The following C8orf89 variants were observed in gnomAD, a reference collection of about 807,000 sequenced individuals.
C8orf89 encodes the protein putative uncharacterized protein C8orf89.
In C8orf89, 14 loss-of-function variants were observed where a neutral mutation model predicts 15.8. The observed-to-expected ratio is 0.89, with a 90% confidence interval of 0.59 to 1.39. The LOEUF is 1.39. Among genes scored for constraint, C8orf89 ranks in the 40% most tolerant of loss-of-function variants. The pLI is 0.00. For missense variants in C8orf89, 181 were observed against 184.5 expected (o/e 0.98, Z 0.11); for synonymous variants, 55 against 62.2 (o/e 0.88, Z 0.54).
chr8:73,256,010 A>G (rs1341949379), intron 2 of C8orf89, among the ~76,000 whole-genome samples: 1 of 151,446 alleles, frequency 6.6e-6, no homozygotes, highest in African/African-American at 2.4e-5. Context: ...CCTAATGCTA[A>G]ATGACGAGTT....
At chr8:73,258,872 C>G (rs1325399323) in intron 1 of C8orf89, among the ~76,000 whole-genome samples, 2 of 152,090 alleles carry the variant, frequency 1.3e-5, no homozygotes, top group Non-Finnish European at 2.9e-5. Context: ...CTCAAGCGAT[C>G]CACCTGCCTT....
At chr8:73,264,650 C>G in the C8orf89 span, among the ~76,000 whole-genome samples, 2 of 152,106 alleles carry the variant, frequency 1.3e-5, no homozygotes, top group Admixed American at 6.5e-5. Flanking sequence ...ACCACCACAC[C>G]CAGCTAATTT....
rs146852752 is a variant in C8orf89 at position 73,249,008 on chromosome 8, G to T, written c.337+1260C>A. Among the ~76,000 whole-genome samples the T allele has an allele frequency of 5.0e-4, 76 of 151,766 alleles. No homozygotes were observed. In the East Asian group the frequency reaches 0.014, roughly 28 times the overall value. On this transcript the variant is annotated intron_variant, in intron 3 of 3. Transcript: ENST00000624510. ...TAAGGGTGGTGAGTGTCTTGTGCTG[G>T]TTTTCAGGTTTTTAAGCTTTTGCCC...
chr8:73,248,538 T>C lies in C8orf89; in HGVS notation c.337+1730A>G, dbSNP rs149573806. 6.5e-4 allele frequency among the ~76,000 whole-genome samples: 99 copies of C among 152,232 alleles called. 2 individuals carry two copies. The East Asian group carries it at 0.016, about 25-fold the overall frequency. On this transcript the variant is annotated intron_variant, in intron 3 of 3. Coordinates refer to ENST00000624510, the MANE Select transcript of C8orf89 (RefSeq NM_001243237.3). ...CTATAAATTGCTTTGGGTAGTATAG[T>C]TATTTTAACTATATTGAGTCTTCCT...
the C8orf89 span, among the ~76,000 whole-genome samples, chr8:73,281,285 T>C: frequency 6.6e-6 from 1 of 152,116 alleles, no homozygotes; most frequent in Admixed American, 6.5e-5. Context: ...CATTGATACA[T>C]GAATATCAAT....
the C8orf89 span, among the ~76,000 whole-genome samples, chr8:73,271,555 T>G: frequency 6.6e-6 from 1 of 152,212 alleles, no homozygotes; most frequent in Non-Finnish European, 1.5e-5. Context: ...GCCAACCAGA[T>G]GCCAGAGCCA....
chr8:73,251,652 A>G (rs1253175754), intron 2 of C8orf89, among the ~76,000 whole-genome samples: 2 of 152,246 alleles, frequency 1.3e-5, no homozygotes, highest in Non-Finnish European at 2.9e-5. Context: ...CAAATCACAA[A>G]TGAAAAACAG....
intron 2 of C8orf89, among the ~76,000 whole-genome samples, chr8:73,255,000 A>C (rs1249698499): frequency 6.6e-6 from 1 of 152,166 alleles, no homozygotes. Context: ...TGTTAGACCT[A>C]AAACCATAAA....
upstream of C8orf89, among the ~76,000 whole-genome samples, chr8:73,263,250 C>T (rs543520481): frequency 6.6e-6 from 1 of 152,292 alleles, no homozygotes; most frequent in South Asian, 2.1e-4. Context: ...TGGTGGCTCA[C>T]ACCTATAATC....
the C8orf89 span, among the ~76,000 whole-genome samples, chr8:73,282,140 CACTT>C: frequency 6.6e-6 from 1 of 152,312 alleles, no homozygotes; most frequent in Non-Finnish European, 1.5e-5. Context: ...TGTAGTAACT[CACTT>C]AAATATATTC....
chr8:73,263,358 CA>C, upstream of C8orf89, among the ~76,000 whole-genome samples: 1 of 151,972 alleles, frequency 6.6e-6, no homozygotes, highest in South Asian at 2.1e-4. Flanking sequence ...ACTAAAAATA[CA>C]AAAAAATTAG....
upstream of C8orf89, among the ~76,000 whole-genome samples, chr8:73,260,760 T>G (rs762772775): frequency 6.6e-6 from 1 of 151,990 alleles, no homozygotes; most frequent in Non-Finnish European, 1.5e-5. Context: ...TAATATTGAG[T>G]GTCAACTTGA....
chr8:73,270,710 A>AGCCTGGGAAACACAGGGAGACCT, the C8orf89 span, among the ~76,000 whole-genome samples: 2 of 152,212 alleles, frequency 1.3e-5, no homozygotes, highest in African/African-American at 4.8e-5. Flanking sequence ...GTTCGAGACC[A>AGCCTGGGAAACACAGGGAGACCT]GCCTGGGAAA....
the C8orf89 span, among the ~76,000 whole-genome samples, chr8:73,285,670 C>A: frequency 2.0e-5 from 3 of 152,234 alleles, no homozygotes; most frequent in South Asian, 4.1e-4. Flanking sequence ...CGTTGCGGCC[C>A]AGGTAGGAGG....
At chr8:73,274,217 G>C in the C8orf89 span, among the ~76,000 whole-genome samples, 72 of 152,044 alleles carry the variant, frequency 4.7e-4, no homozygotes, top group Non-Finnish European at 9.3e-4. Flanking sequence ...GCAGTGGCGC[G>C]ATCTCAGCTC....
the C8orf89 span, chr8:73,277,897 C>A: frequency 1.2e-5 from 8 of 681,384 alleles, no homozygotes; most frequent in Non-Finnish European, 2.0e-5. Context: ...GGTCTATATC[C>A]TCCAGGTACT....
At chr8:73,265,347 T>C in the C8orf89 span, among the ~76,000 whole-genome samples, 1 of 152,222 alleles carries the variant, frequency 6.6e-6, no homozygotes, top group Non-Finnish European at 1.5e-5. Context: ...AGAGTTTGGA[T>C]TTTATTCTAC....
chr8:73,251,540 A>G (rs1222986038), intron 2 of C8orf89, among the ~76,000 whole-genome samples: 1 of 152,252 alleles, frequency 6.6e-6, no homozygotes, highest in African/African-American at 2.4e-5. Flanking sequence ...TATATGAAGA[A>G]CACTTGTCAT....
At chr8:73,280,768 CATACATAT>C in the C8orf89 span, among the ~76,000 whole-genome samples, 8 of 146,762 alleles carry the variant, frequency 5.5e-5, no homozygotes, top group Non-Finnish European at 1.1e-4. Flanking sequence ...TACATACATA[CATACATAT>C]ATACATATAT....
Sources: allele counts gnomAD v4.1 joint callset (sites outside exome capture counted in the v4.1 genomes callset), GRCh38; gene constraint gnomAD v4.1.1; transcripts MANE v1.5; gene names NCBI Gene and HGNC (gene_info 2026-07-23, HGNC 2026-07-21).